MPPED2: variants seen among roughly 807,000 people sequenced by gnomAD.
MPPED2 encodes metallophosphoesterase domain containing 2.
In MPPED2, 5 loss-of-function variants were observed where a neutral mutation model predicts 33.0. The ratio of observed to expected loss-of-function variants is 0.15; its 90% CI spans 0.08 to 0.32. The LOEUF is 0.32. Among genes scored for constraint, MPPED2 ranks in the 10% least tolerant of loss-of-function variants. The probability of loss-of-function intolerance (pLI) is 1.00; values close to 1 mark genes in which losing one functional copy is unlikely to be tolerated. For synonymous variants in MPPED2, 136 were observed against 141.9 expected, an observed-to-expected ratio of 0.96 and a Z score of 0.29; for missense variants, 275 against 372.1, an observed-to-expected ratio of 0.74 and a Z score of 2.15.
intron 2 of MPPED2, among the ~76,000 whole-genome samples, chr11:30,542,670 G>A (rs1032008560): frequency 1.3e-5 from 2 of 151,942 alleles, no homozygotes; most frequent in Non-Finnish European, 1.5e-5. Flanking sequence ...ACATGTAAGT[G>A]TTCAATTTTT....
At chr11:30,513,771 G>C (rs1167579869) in intron 3 of MPPED2, among the ~76,000 whole-genome samples, 3 of 152,060 alleles carry the variant, frequency 2.0e-5, no homozygotes, top group East Asian at 3.9e-4. Context: ...GGAAACAAAA[G>C]AATGAAAGAA....
chr11:30,583,134 C>CTTTTTTTTTTTGTTTTTTTTTTT (rs1957254355), intron 1 of MPPED2, among the ~76,000 whole-genome samples: 1 of 96,712 alleles, frequency 1.0e-5, no homozygotes, highest in African/African-American at 4.8e-5. Flanking sequence ...AAGACTTTTT[C>CTTTTTTTTTTTGTTTTTTTTTTT]TTTTTTTTTT....
chr11:30,471,641 C>G (rs1055892072), intron 4 of MPPED2, among the ~76,000 whole-genome samples: 2 of 152,174 alleles, frequency 1.3e-5, no homozygotes, highest in African/African-American at 4.8e-5. Context: ...TTCTCTCTCT[C>G]TTTTACTAAG....
chr11:30,494,351 A>G (rs1952130647), intron 4 of MPPED2, among the ~76,000 whole-genome samples: 2 of 152,172 alleles, frequency 1.3e-5, no homozygotes, highest in South Asian at 4.1e-4. Flanking sequence ...TCACACAGAC[A>G]TACACCCAGC....
intron 4 of MPPED2, among the ~76,000 whole-genome samples, chr11:30,479,651 T>C (rs1391583595): frequency 6.6e-6 from 1 of 150,866 alleles, no homozygotes; most frequent in African/African-American, 2.4e-5. Context: ...GAAAAAAAAA[T>C]ACCATTTGAT....
intron 3 of MPPED2, among the ~76,000 whole-genome samples, chr11:30,513,743 T>C (rs947546068): frequency 6.6e-6 from 1 of 151,832 alleles, no homozygotes; most frequent in African/African-American, 2.4e-5. Flanking sequence ...TGGATCCTGG[T>C]ATAACATGGA....
chr11:30,487,015 G>A (rs56304028), intron 4 of MPPED2, among the ~76,000 whole-genome samples: 29,041 of 152,106 alleles, frequency 0.19, 2,880 homozygotes, highest in East Asian at 0.28. Flanking sequence ...TCATTCATTC[G>A]TTCAGAAGAC....
chr11:30,512,658 G>A (rs1224767960), intron 3 of MPPED2, among the ~76,000 whole-genome samples: 1 of 152,056 alleles, frequency 6.6e-6, no homozygotes, highest in East Asian at 1.9e-4. Context: ...GTCACTTTAG[G>A]CCAGTAGTTC....
At chr11:30,564,469 C>G (rs1956359028) in intron 2 of MPPED2, among the ~76,000 whole-genome samples, 1 of 152,138 alleles carries the variant, frequency 6.6e-6, no homozygotes, top group South Asian at 2.1e-4. Flanking sequence ...GTACTATTTG[C>G]TTCCCTCATT....
chr11:30,419,940 C>A (rs558303317), intron 4 of MPPED2, among the ~76,000 whole-genome samples: 25 of 152,264 alleles, frequency 1.6e-4, no homozygotes, highest in South Asian at 6.2e-4. Flanking sequence ...CCAATAAAAT[C>A]TTGTTCTTTT....
chr11:30,434,304 G>A (rs1202915748), intron 4 of MPPED2, among the ~76,000 whole-genome samples: 3 of 152,114 alleles, frequency 2.0e-5, no homozygotes, highest in Non-Finnish European at 4.4e-5. Context: ...GAATTCGCAG[G>A]GGAAGGGGGA....
At chr11:30,510,176 T>C (rs920417101) in intron 3 of MPPED2, among the ~76,000 whole-genome samples, 5 of 152,188 alleles carry the variant, frequency 3.3e-5, no homozygotes, top group African/African-American at 1.2e-4. Context: ...TTTTAACCTG[T>C]ACTATCACGG....
chr11:30,564,256 C>T (rs952290470), intron 2 of MPPED2, among the ~76,000 whole-genome samples: 1 of 152,146 alleles, frequency 6.6e-6, no homozygotes, highest in Non-Finnish European at 1.5e-5. Flanking sequence ...TCTATCCATT[C>T]AAGCAAACAT....
intron 6 of MPPED2, among the ~76,000 whole-genome samples, chr11:30,402,573 G>C (rs1947923644): frequency 6.6e-6 from 1 of 152,180 alleles, no homozygotes; most frequent in Admixed American, 6.6e-5. Flanking sequence ...GAGAAAGATA[G>C]TGATCAAAAG....
chr11:30,492,366 A>G (rs1952022690), intron 4 of MPPED2, among the ~76,000 whole-genome samples: 1 of 152,210 alleles, frequency 6.6e-6, no homozygotes, highest in African/African-American at 2.4e-5. Flanking sequence ...TTCAGCAACT[A>G]TCAGTCCAGG....
chr11:30,403,778 T>C (rs1260528457), intron 6 of MPPED2, among the ~76,000 whole-genome samples: 1 of 152,216 alleles, frequency 6.6e-6, no homozygotes, highest in African/African-American at 2.4e-5. Flanking sequence ...TGGTAAGAAT[T>C]ACCTTGATGT....
At chr11:30,562,749 A>T (rs192155265) in intron 2 of MPPED2, among the ~76,000 whole-genome samples, 1 of 152,280 alleles carries the variant, frequency 6.6e-6, no homozygotes, top group Non-Finnish European at 1.5e-5. Flanking sequence ...CTGGGCTGCC[A>T]GTAGGCCATA....
downstream of MPPED2, among the ~76,000 whole-genome samples, chr11:30,406,505 T>G (rs560139154): frequency 5.3e-5 from 8 of 152,072 alleles, no homozygotes; most frequent in African/African-American, 1.2e-4. Flanking sequence ...TGTTTTTCTC[T>G]CCCATGGAAA....
chr11:30,575,000 T>C (rs531288948), intron 2 of MPPED2, among the ~76,000 whole-genome samples: 1 of 152,334 alleles, frequency 6.6e-6, no homozygotes, highest in African/African-American at 2.4e-5. Flanking sequence ...CACTCTTCTG[T>C]AACATTGTTT....
Sources: gnomAD v4.1 joint callset for allele counts (sites outside exome capture counted in the v4.1 genomes callset) on GRCh38, gnomAD v4.1.1 for gene constraint, MANE v1.5 for transcripts, NCBI Gene and HGNC (gene_info 2026-07-23, HGNC 2026-07-21) for gene names.